WDFY2: variants seen among roughly 807,000 people sequenced by gnomAD.
WDFY2 encodes WD repeat and FYVE domain-containing protein 2.
WDFY2 carries 36 observed loss-of-function variants against 56.4 expected under a neutral mutation model. That is an observed-to-expected ratio of 0.64 (90% CI 0.49 to 0.84). The LOEUF (loss-of-function observed/expected upper bound fraction) is 0.84. Ranked by LOEUF, WDFY2 falls within the 40% of genes least tolerant of loss-of-function variation. The probability of loss-of-function intolerance (pLI) is 0.00; values close to 1 mark genes in which losing one functional copy is unlikely to be tolerated. For synonymous variants in WDFY2, 176 were observed against 183.7 expected (o/e 0.96, Z 0.34); for missense variants, 444 against 512.2 (o/e 0.87, Z 1.29).
In WDFY2 at chr13:51,584,720, C is replaced by T. The variant is rs747283917; in HGVS notation, c.33C>T (p.Thr11=). 32 of 1,613,444 alleles carry T rather than the reference C, an allele frequency of 2.0e-5. No homozygotes were observed. In the African/African-American group the frequency reaches 2.0e-4, roughly 10 times the overall value. The stretch of plus-strand genomic sequence containing the variant: ...CGGAGATCCAGCCCAAGCCTCTGAC[C>T]CGCAAGCCGATCCTGCTGCAGCGGA... MAAEIQPKPL[T]RKPILLQRME... The change falls in exon 1 of 12, where the codon ACC becomes ACT. Residue 11 remains threonine, a synonymous_variant. Coordinates refer to ENST00000298125, the MANE Select transcript of WDFY2 (RefSeq NM_052950.4).
In WDFY2 at chr13:51,763,211, G is replaced by C. The variant is rs1454911168; in HGVS notation, c.*3442G>C. The C allele has an allele frequency of 6.6e-6, 1 of 152,228 alleles. No homozygotes were observed. The highest frequency in any genetic ancestry group is 2.4e-5 in the African/African-American group (1 of 41,464). The allele number at this position is 152,228 out of a possible 1,614,324, so 9.4% of individuals were successfully genotyped here. ...CATTACTTAGTAATGGCATGAGTGG[G>C]AGGAGAGACTTTCAGCACCTTGAGA... On this transcript the variant is annotated 3_prime_UTR_variant, in exon 12 of 12. Transcript: ENST00000298125.
intron 1 of WDFY2, 108 bp downstream of exon 1, chr13:51,584,932 C>T (rs2138272189): frequency 6.9e-7 from 1 of 1,457,320 alleles, no homozygotes; most frequent in South Asian, 1.3e-5. Context: ...AGACTTGCTC[C>T]CCCAAGTTTT....
intron 1 of WDFY2, among the ~76,000 whole-genome samples, chr13:51,640,418 C>T (rs1955133235): frequency 6.6e-6 from 1 of 152,106 alleles, no homozygotes; most frequent in South Asian, 2.1e-4. Context: ...CTCCTTCCAC[C>T]CTTTGTTGGG....
At chr13:51,688,250 T>TTAG (rs1956094373) in intron 3 of WDFY2, among the ~76,000 whole-genome samples, 2 of 152,168 alleles carry the variant, frequency 1.3e-5, no homozygotes, top group African/African-American at 4.8e-5. Flanking sequence ...GATGGAGGCA[T>TTAG]TAGTGGCGTG....
chr13:51,684,422 G>A (rs1175603603), intron 3 of WDFY2, among the ~76,000 whole-genome samples: 2 of 146,638 alleles, frequency 1.4e-5, no homozygotes, highest in African/African-American at 5.1e-5. Flanking sequence ...AGATTTTTCT[G>A]TTGGTTCTTC....
At chr13:51,722,888 A>G (rs1952522702) in intron 5 of WDFY2, among the ~76,000 whole-genome samples, 1 of 152,208 alleles carries the variant, frequency 6.6e-6, no homozygotes, top group African/African-American at 2.4e-5. Context: ...GTCATTTGTC[A>G]GTGTCTTGTT....
At chr13:51,692,244 G>A (rs1439393773) in intron 3 of WDFY2, among the ~76,000 whole-genome samples, 2 of 152,174 alleles carry the variant, frequency 1.3e-5, no homozygotes, top group Non-Finnish European at 2.9e-5. Flanking sequence ...AATAGGAGTG[G>A]TGAGAGAGGG....
intron 3 of WDFY2, among the ~76,000 whole-genome samples, chr13:51,689,132 C>T (rs1019296403): frequency 2.7e-4 from 41 of 152,250 alleles, no homozygotes; most frequent in African/African-American, 9.6e-4. Flanking sequence ...ACATCCAAAC[C>T]TGTGTGTCTT....
rs1359574269 is a variant in WDFY2 at position 51,761,383 on chromosome 13, A to G, written c.*1614A>G. ...AAAAATAGAATAAAAATTAATGGCA[A>G]GCCTGCGCCAGGTGCCTGCCCCTCC... On this transcript the variant is annotated 3_prime_UTR_variant, in exon 12 of 12. Coordinates refer to ENST00000298125, the MANE Select transcript of WDFY2 (RefSeq NM_052950.4). The G allele has an allele frequency of 6.6e-6, 1 of 152,218 alleles. No individual in the cohort carries two copies. The highest frequency in any genetic ancestry group is 1.5e-5 in the Non-Finnish European group (1 of 68,052). 9.4% of individuals were successfully genotyped at this position (152,218 alleles called of 1,614,324 possible).
Position 51,756,382 on chromosome 13 carries a change from G to T in WDFY2, c.984G>T (p.Lys328Asn). The change falls in exon 10 of 12, where the codon AAG becomes AAT. Residue 328 changes from lysine to asparagine, a missense_variant. Lys to Asn is a moderately conservative substitution (Grantham distance 94). Coordinates refer to ENST00000298125, the MANE Select transcript of WDFY2 (RefSeq NM_052950.4). Reference protein sequence around the residue: ...GKAVCGKCSSKRSSIPLMGFE... With the variant: ...GKAVCGKCSSNRSSIPLMGFE... ...CCGTCTGTGGCAAGTGCAGCTCCAA[G>T]CGCTCCTCCATCCCCCTGATGGGCT... The T allele has an allele frequency of 6.2e-7, 1 of 1,614,130 alleles. No homozygotes were observed. The highest frequency in any genetic ancestry group is 8.5e-7 in the Non-Finnish European group (1 of 1,180,004).
At chr13:51,746,461 G>C (rs898517106) in intron 7 of WDFY2, among the ~76,000 whole-genome samples, 1 of 152,188 alleles carries the variant, frequency 6.6e-6, no homozygotes, top group Non-Finnish European at 1.5e-5. Flanking sequence ...GGAAGGCTTT[G>C]TAAGTTGGCT....
At chr13:51,610,105 G>A (rs1954468282) in intron 1 of WDFY2, among the ~76,000 whole-genome samples, 1 of 152,166 alleles carries the variant, frequency 6.6e-6, no homozygotes, top group African/African-American at 2.4e-5. Flanking sequence ...GGTTGGGGTG[G>A]TGAATGTGTG....
intron 1 of WDFY2, among the ~76,000 whole-genome samples, chr13:51,599,631 G>A (rs917768824): frequency 2.6e-5 from 4 of 152,208 alleles, no homozygotes; most frequent in Admixed American, 2.0e-4. Context: ...CCATTGGCCA[G>A]TCAGATGTTT....
intron 7 of WDFY2, among the ~76,000 whole-genome samples, chr13:51,739,771 C>T (rs1032412983): frequency 9.2e-5 from 14 of 152,122 alleles, no homozygotes; most frequent in South Asian, 2.1e-4. Flanking sequence ...CTGAGATGTC[C>T]GGTCCCTGTC....
At chr13:51,635,370 T>A (rs1238078809) in intron 1 of WDFY2, among the ~76,000 whole-genome samples, 2 of 152,236 alleles carry the variant, frequency 1.3e-5, no homozygotes, top group Admixed American at 6.5e-5. Context: ...GAACAGCATG[T>A]ATTTTGTCTC....
rs1593837455 is a variant in WDFY2 at position 51,584,552 on chromosome 13, A to G, written c.-136A>G. 3.2e-6 allele frequency: 4 copies of G among 1,256,650 alleles called. No individual in the cohort carries two copies. The highest frequency in any genetic ancestry group is 2.9e-4 in the Middle Eastern group (1 of 3,506). 77.8% of individuals were successfully genotyped at this position (1,256,650 alleles called of 1,614,324 possible). A position where few individuals can be genotyped will look rare whatever the true frequency, so the allele number is the denominator to read the frequency against. On this transcript the variant is annotated 5_prime_UTR_variant, in exon 1 of 12. It removes an upstream start codon present in the reference 5' UTR. Coordinates refer to ENST00000298125, the MANE Select transcript of WDFY2 (RefSeq NM_052950.4). ...CGTTCCCGAGAGAGGCGGCCAGGCTATGCTCGCCGGTTTCCGGCGTTCCGC... is the reference window on the plus strand; with the variant it reads ...CGTTCCCGAGAGAGGCGGCCAGGCTGTGCTCGCCGGTTTCCGGCGTTCCGC...
intron 1 of WDFY2, chr13:51,586,204 G>T: frequency 2.5e-6 from 1 of 396,230 alleles, no homozygotes; most frequent in Admixed American, 4.4e-5. Context: ...ACTGCTTCTG[G>T]ACCTAGAAAT....
chr13:51,669,967 A>G (rs1208262421), intron 2 of WDFY2, among the ~76,000 whole-genome samples: 1 of 152,160 alleles, frequency 6.6e-6, no homozygotes, highest in Non-Finnish European at 1.5e-5. Context: ...GGGCAGCTGT[A>G]TTATAATTTT....
intron 3 of WDFY2, among the ~76,000 whole-genome samples, chr13:51,689,183 C>T (rs1593414790): frequency 6.6e-6 from 1 of 152,110 alleles, no homozygotes; most frequent in East Asian, 1.9e-4. Flanking sequence ...TATTGAGAAG[C>T]CAACTGCATA....
Sources: gnomAD v4.1 joint callset for allele counts (sites outside exome capture counted in the v4.1 genomes callset) on GRCh38, gnomAD v4.1.1 for gene constraint, MANE v1.5 for transcripts, NCBI Gene and HGNC (gene_info 2026-07-23, HGNC 2026-07-21) for gene names.